ST14: variants seen among roughly 807,000 people sequenced by gnomAD.
The protein encoded by ST14 is ST14 transmembrane serine protease matriptase, also known as suppressor of tumorigenicity 14 protein.
Under a neutral mutation model 96.5 loss-of-function variants are expected in ST14, and 40 were observed. The ratio of observed to expected loss-of-function variants is 0.41; its 90% CI spans 0.32 to 0.54. ST14 has a LOEUF of 0.54. Ranked by LOEUF, ST14 falls within the 20% of genes least tolerant of loss-of-function variation. The probability of loss-of-function intolerance (pLI) is 0.17; values close to 1 mark genes in which losing one functional copy is unlikely to be tolerated. For synonymous variants in ST14, 506 were observed against 492.1 expected (o/e 1.03, Z -0.37); for missense variants, 1,066 against 1,188.9 (o/e 0.90, Z 1.52).
At chr11:130,207,747 A>T (rs930014802) in intron 16 of ST14, among the ~76,000 whole-genome samples, 1 of 152,242 alleles carries the variant, frequency 6.6e-6, no homozygotes, top group East Asian at 1.9e-4. Context: ...TTTTCAATTC[A>T]TTTTGGTCTT....
rs573433119 is a variant in ST14, at chr11:130,193,563, G to A, written c.876-586G>A. On this transcript the variant is annotated intron_variant, in intron 7 of 18. Coordinates refer to ENST00000278742, the MANE Select transcript of ST14 (RefSeq NM_021978.4). ...CGGCTCACTGCAACCTCCGCCTCCC[G>A]GGTTCCGGTGATTCTCCTGCCTCAG... Among the ~76,000 whole-genome samples the A allele has an allele frequency of 4.6e-5, 7 of 151,600 alleles. No homozygotes were observed. The East Asian group carries it at 5.8e-4, about 13-fold the overall frequency.
Position 130,194,287 on chromosome 11 carries a change from C to G in ST14, c.1014C>G (p.Ser338Arg). 3 of 1,614,156 alleles carry G rather than the reference C, an allele frequency of 1.9e-6. No individual in the cohort carries two copies. The Admixed American group carries it at 5.0e-5, about 27-fold the overall frequency. Residue 338 changes from serine (S) to arginine (R), a missense_variant and splice_region_variant, in exon 8 of 19, where the codon AGC (serine) becomes AGG (arginine). Coordinates refer to ENST00000278742, the MANE Select transcript of ST14 (RefSeq NM_021978.4). ...EATFFQLPRM[S>R]SCGGRLRKAQ... ...CCTTCTTCCAGCTGCCTAGGATGAGCAGTAAGGAAGGGCAGGGCAGGGCGG... is the reference window on the plus strand; with the variant it reads ...CCTTCTTCCAGCTGCCTAGGATGAGGAGTAAGGAAGGGCAGGGCAGGGCGG...
chr11:130,197,924 C>T lies in ST14; in HGVS notation c.1438C>T (p.His480Tyr). The T allele has an allele frequency of 6.3e-7, 1 of 1,592,624 alleles. No homozygotes were observed. Among genetic ancestry groups the T allele is most frequent in the South Asian group, 1.1e-5 (1 of 88,334 alleles). ...TGATGGCTGGGCCGACTGCACCGAC[C>T]ACAGCGATGAGCTCAACTGCAGTGA... is the stretch of plus-strand genomic sequence containing the variant. Reference protein sequence around the residue: ...RCDGWADCTDHSDELNCSCDA... With the variant: ...RCDGWADCTDYSDELNCSCDA... The change falls in exon 12 of 19, where the codon CAC (histidine) becomes TAC (tyrosine). Residue 480 changes from histidine (H) to tyrosine (Y), a missense_variant. By Grantham distance (83) the His-to-Tyr change is moderately conservative (BLOSUM62 2). Transcript: ENST00000278742.
In ST14 at chr11:130,188,421, AG is replaced by A. The variant is rs1953259853; in HGVS notation, c.242-106del. The A allele has an allele frequency of 5.0e-6, 8 of 1,598,248 alleles. No individual in the cohort carries two copies. The highest frequency in any genetic ancestry group is 6.8e-6 in the Non-Finnish European group (8 of 1,172,068). ...TGATGGGGAGTGATGGGAAGCAGTC[AG>A]GGCTGACCCATGGCCCCCTCCTGGC... On this transcript the variant is annotated intron_variant, in intron 2 of 18. Transcript: ENST00000278742. This position sits in a 1 kb window ranked among gnomAD's most constrained non-coding sequence, Gnocchi z 5.4.
rs1451712623 is a variant in ST14 at position 130,196,715 on chromosome 11, T to C, written c.1354+15T>C. On this transcript the variant is annotated intron_variant, in intron 11 of 18. Coordinates refer to ENST00000278742, the MANE Select transcript of ST14 (RefSeq NM_021978.4). ...CTCCAGTGACCGTGAGTGAACATTGTTGGGAGGAGGGCTGGCGGGGGCCTG... is the reference window on the plus strand; with the variant it reads ...CTCCAGTGACCGTGAGTGAACATTGCTGGGAGGAGGGCTGGCGGGGGCCTG... The C allele has an allele frequency of 6.2e-7, 1 of 1,614,212 alleles. No individual in the cohort carries two copies. The highest frequency in any genetic ancestry group is 8.5e-7 in the Non-Finnish European group (1 of 1,180,034).
At chr11:130,162,386 A>G (rs1406246529) in intron 1 of ST14, among the ~76,000 whole-genome samples, 1 of 152,118 alleles carries the variant, frequency 6.6e-6, no homozygotes, top group Non-Finnish European at 1.5e-5. Flanking sequence ...GAGGGTCTTG[A>G]TTCCTGTTGA....
intron 12 of ST14, 95 bp downstream of exon 12, chr11:130,198,040 C>T (rs553048313): frequency 9.0e-6 from 12 of 1,335,104 alleles, no homozygotes; most frequent in Admixed American, 3.9e-5. Flanking sequence ...GCAGAAAGGC[C>T]GGAGGTGGTG....
intron 1 of ST14, among the ~76,000 whole-genome samples, chr11:130,184,012 A>G (rs1351525060): frequency 6.6e-6 from 1 of 152,226 alleles, no homozygotes; most frequent in Non-Finnish European, 1.5e-5. Context: ...AATCGTGCGG[A>G]GTGAAAGAAG....
At chr11:130,207,963 C>T (rs1044198285) in intron 16 of ST14, among the ~76,000 whole-genome samples, 7 of 152,064 alleles carry the variant, frequency 4.6e-5, no homozygotes, top group Non-Finnish European at 7.4e-5. Flanking sequence ...CCCAGCTACT[C>T]AAGAGGCTGA....
chr11:130,208,757 G>A lies in ST14; in HGVS notation c.2269+73G>A, dbSNP rs1190619661. On this transcript the variant is annotated intron_variant, in intron 17 of 18. Coordinates refer to ENST00000278742, the MANE Select transcript of ST14 (RefSeq NM_021978.4). ...CTCCAAGGCCGTGTTTCCTCTGCGT[G>A]TCCGGTCTCGGGGCGGGGGGCTGCT... 3 of 1,520,118 alleles carry A rather than the reference G, an allele frequency of 2.0e-6. No homozygotes were observed. The African/African-American group carries it at 4.1e-5, about 21-fold the overall frequency. The allele number at this position is 1,520,118 out of a possible 1,614,324, so 94.2% of individuals were successfully genotyped here. A position where few individuals can be genotyped will look rare whatever the true frequency, so the allele number is the denominator to read the frequency against.
intron 1 of ST14, among the ~76,000 whole-genome samples, chr11:130,161,659 C>T (rs1221090083): frequency 6.6e-6 from 1 of 152,202 alleles, no homozygotes; most frequent in African/African-American, 2.4e-5. Flanking sequence ...CATCCCTGCT[C>T]ATTTCCTCCT....
intron 7 of ST14, among the ~76,000 whole-genome samples, chr11:130,193,084 C>CTATTAT (rs1953320947): frequency 6.7e-6 from 1 of 149,196 alleles, no homozygotes; most frequent in African/African-American, 2.4e-5. Context: ...TTAAAAGCAC[C>CTATTAT]GAGAACCATG....
chr11:130,168,211 C>T (rs2136202263), intron 1 of ST14, among the ~76,000 whole-genome samples: 1 of 152,228 alleles, frequency 6.6e-6, no homozygotes, highest in African/African-American at 2.4e-5. Context: ...AAAGAGCAAA[C>T]AGAATGAGGA....
intron 9 of ST14, among the ~76,000 whole-genome samples, chr11:130,195,058 T>C (rs1181407867): frequency 6.6e-6 from 1 of 151,978 alleles, no homozygotes; most frequent in African/African-American, 2.4e-5. Flanking sequence ...GACCAGCCTG[T>C]GTAACATAGT....
intron 1 of ST14, among the ~76,000 whole-genome samples, chr11:130,171,107 T>C (rs938567445): frequency 2.0e-5 from 3 of 152,192 alleles, no homozygotes; most frequent in Non-Finnish European, 2.9e-5. Flanking sequence ...AGACAGCCAT[T>C]TCAAGCTACT....
Position 130,209,949 on chromosome 11 carries a change from C to CA in ST14, c.*128dup. The CA allele has an allele frequency of 8.4e-7, 1 of 1,184,264 alleles. No individual in the cohort carries two copies. Among genetic ancestry groups the CA allele is most frequent in the East Asian group, 2.5e-5 (1 of 40,638 alleles). The allele number at this position is 1,184,264 out of a possible 1,614,324, so 73.4% of individuals were successfully genotyped here. A position where few individuals can be genotyped will look rare whatever the true frequency, so the allele number is the denominator to read the frequency against. ...GCCCCCAGAACATACACTGTGAACT[C>CA]AATCTCCAGGGCTCCAAATCTGCCT... On this transcript the variant is annotated 3_prime_UTR_variant, in exon 19 of 19. Transcript: ENST00000278742.
chr11:130,190,955 C>T (rs1953291847), intron 7 of ST14, among the ~76,000 whole-genome samples: 1 of 152,174 alleles, frequency 6.6e-6, no homozygotes, highest in Non-Finnish European at 1.5e-5. Flanking sequence ...CGGCCTGTGC[C>T]CTGAACCGCC....
intron 1 of ST14, among the ~76,000 whole-genome samples, chr11:130,169,289 T>C (rs1468299538): frequency 6.6e-6 from 1 of 152,144 alleles, no homozygotes; most frequent in Non-Finnish European, 1.5e-5. Flanking sequence ...GAGACAGGGT[T>C]TCGCCATGTT....
chr11:130,169,217 C>T (rs1953067589), intron 1 of ST14, among the ~76,000 whole-genome samples: 1 of 151,494 alleles, frequency 6.6e-6, no homozygotes, highest in Non-Finnish European at 1.5e-5. Context: ...GCCTCAGCCT[C>T]CCGAGTAGCT....
Sources: allele counts gnomAD v4.1 joint callset (sites outside exome capture counted in the v4.1 genomes callset), GRCh38; gene constraint gnomAD v4.1.1; non-coding constraint Gnocchi (gnomAD v3.1); transcripts MANE v1.5; gene names NCBI Gene and HGNC (gene_info 2026-07-23, HGNC 2026-07-21).